Variants in PTPRB observed in about 807,000 individuals in gnomAD.
PTPRB encodes the protein receptor-type tyrosine-protein phosphatase beta.
In PTPRB, 97 loss-of-function variants were observed where a neutral mutation model predicts 238.1. The observed-to-expected ratio is 0.41, with a 90% CI of 0.35 to 0.48. PTPRB has a LOEUF of 0.48. Among genes scored for constraint, PTPRB ranks in the 20% least tolerant of loss-of-function variants. PTPRB has a pLI of 0.30. For missense variants in PTPRB, 2,292 were observed against 2,681.9 expected (o/e 0.85, Z 3.21); for synonymous variants, 970 against 995.4 (o/e 0.97, Z 0.48).
chr12:70,588,728 G>C (rs1488823094), intron 8 of PTPRB, among the ~76,000 whole-genome samples: 1 of 152,128 alleles, frequency 6.6e-6, no homozygotes, highest in Non-Finnish European at 1.5e-5. Flanking sequence ...CAAGGTAGGC[G>C]GACTGCTTGA....
chr12:70,598,788 G>T (rs911503181), intron 4 of PTPRB, among the ~76,000 whole-genome samples: 1 of 152,100 alleles, frequency 6.6e-6, no homozygotes, highest in African/African-American at 2.4e-5. Context: ...AAAAAATAAT[G>T]TCATGATCAG....
chr12:70,537,886 C>G (rs560101018), intron 28 of PTPRB: 21 of 306,602 alleles, frequency 6.8e-5, no homozygotes, highest in Non-Finnish European at 1.2e-4. Context: ...AGGAAGCTCT[C>G]ATCTTGGTTA....
At chr12:70,635,284 C>G (rs1885631391) in intron 2 of PTPRB, among the ~76,000 whole-genome samples, 2 of 152,104 alleles carry the variant, frequency 1.3e-5, no homozygotes, top group African/African-American at 4.8e-5. Flanking sequence ...TCAATAAAAT[C>G]TAATAATTTT....
chr12:70,578,987 G>A (rs1308113452), intron 10 of PTPRB, among the ~76,000 whole-genome samples: 1 of 152,176 alleles, frequency 6.6e-6, no homozygotes, highest in African/African-American at 2.4e-5. Flanking sequence ...AATGGGGAGA[G>A]CTCTGAGGAC....
chr12:70,618,551 G>A (rs1884779600), intron 3 of PTPRB, among the ~76,000 whole-genome samples: 1 of 152,166 alleles, frequency 6.6e-6, no homozygotes, highest in Non-Finnish European at 1.5e-5. Context: ...TGGGATTTAA[G>A]CCAGGTTTCT....
chr12:70,571,815 TC>T lies in PTPRB; in HGVS notation c.3106+8del, dbSNP rs752003242. 2 of 1,603,022 alleles carry T rather than the reference TC, an allele frequency of 1.2e-6. No individual in the cohort carries two copies. The highest frequency in any genetic ancestry group is 3.4e-5 in the Admixed American group (2 of 58,212). ...ACCAACTGTCAGATTTTGCAATCGT[TC>T]CACTTACTTGTTCTCCCATTCCCTT... On this transcript the variant is annotated splice_region_variant and intron_variant, in intron 12 of 33. Transcript: ENST00000334414.
At chr12:70,551,561 A>G (rs1445504877) in intron 21 of PTPRB, among the ~76,000 whole-genome samples, 1 of 151,792 alleles carries the variant, frequency 6.6e-6, no homozygotes, top group Non-Finnish European at 1.5e-5. Flanking sequence ...TTTTTTTTCT[A>G]CTGAGACCTA....
chr12:70,540,637 C>T, intron 23 of PTPRB: 2 of 503,144 alleles, frequency 4.0e-6, no homozygotes, highest in Non-Finnish European at 7.0e-6. Context: ...TAGATGGCCC[C>T]TCAGTCCTTT....
In PTPRB at chr12:70,559,572, C is replaced by T; in HGVS notation, c.4485G>A (p.Leu1495=). 1 of 1,613,186 alleles carries T rather than the reference C, an allele frequency of 6.2e-7. No homozygotes were observed. The highest frequency in any genetic ancestry group is 8.5e-7 in the Non-Finnish European group (1 of 1,179,224). The change falls in exon 18 of 34, where the codon TTG becomes TTA. Residue 1495 remains leucine (L), a synonymous_variant. Coordinates refer to ENST00000334414, the MANE Select transcript of PTPRB (RefSeq NM_001109754.4). The stretch of plus-strand genomic sequence containing the variant: ...CTGGGGGCCCTTTCCACGTGATGGC[C>T]AAGGATGTGTTTGCAATGTCAGCAA... ...MSFADIANTS[L]AITWKGPPDW...
chr12:70,624,495 A>C (rs1885087856), intron 2 of PTPRB, among the ~76,000 whole-genome samples: 1 of 152,142 alleles, frequency 6.6e-6, no homozygotes, highest in Non-Finnish European at 1.5e-5. Flanking sequence ...CTACATGACA[A>C]ACTCAATTAT....
chr12:70,568,035 TC>T (rs1361340646), intron 14 of PTPRB, among the ~76,000 whole-genome samples: 1 of 152,088 alleles, frequency 6.6e-6, no homozygotes, highest in African/African-American at 2.4e-5. Context: ...AAATGTGCCA[TC>T]CTTTCTCTCA....
chr12:70,576,979 G>A (rs553745575), intron 10 of PTPRB, among the ~76,000 whole-genome samples: 4 of 152,198 alleles, frequency 2.6e-5, no homozygotes, highest in East Asian at 3.9e-4. Flanking sequence ...TGTTTTAGAA[G>A]GTTCCCTGTA....
At chr12:70,603,170 A>C (rs929028014) in intron 4 of PTPRB, among the ~76,000 whole-genome samples, 1 of 152,180 alleles carries the variant, frequency 6.6e-6, no homozygotes, top group Non-Finnish European at 1.5e-5. Flanking sequence ...ACATAAAGGA[A>C]GACCAATTTC....
At chr12:70,581,776 C>A (rs1420226723) in intron 9 of PTPRB, among the ~76,000 whole-genome samples, 4 of 151,224 alleles carry the variant, frequency 2.6e-5, no homozygotes, top group Non-Finnish European at 5.9e-5. Flanking sequence ...CTTAAAGGGG[C>A]TGTTATTATA....
chr12:70,520,829 G>A lies in PTPRB; in HGVS notation c.*660C>T, dbSNP rs1019666332. 4.4e-4 allele frequency: 67 copies of A among 152,578 alleles called. No individual in the cohort carries two copies. The highest frequency in any genetic ancestry group is 1.5e-3 in the African/African-American group (63 of 41,578). The allele number at this position is 152,578 out of a possible 1,614,324, so 9.5% of individuals were successfully genotyped here. The stretch of plus-strand genomic sequence containing the variant: ...CTACCATCCTGGGCTTGCACTGCAA[G>A]TTACATGATCCCTGAGCTGACCACT... On this transcript the variant is annotated 3_prime_UTR_variant, in exon 34 of 34. Coordinates refer to ENST00000334414, the MANE Select transcript of PTPRB (RefSeq NM_001109754.4).
chr12:70,532,262 C>T, intron 31 of PTPRB, 92 bp from the exon 32 acceptor site: 1 of 1,418,192 alleles, frequency 7.1e-7, no homozygotes, highest in East Asian at 2.4e-5. Context: ...TTTTTTTTCC[C>T]TTCCCAGTTA....
chr12:70,579,695 C>CAAA (rs35887706), intron 10 of PTPRB, among the ~76,000 whole-genome samples: 35 of 90,974 alleles, frequency 3.8e-4, no homozygotes, highest in Non-Finnish European at 5.3e-4. Context: ...GACTCCATCT[C>CAAA]AAAAAAAAAA....
In PTPRB at chr12:70,612,667, TA is replaced by T. The variant is rs11448103; in HGVS notation, c.709-3329del. Among the ~76,000 whole-genome samples the T allele has an allele frequency of 2.5e-3, 361 of 146,440 alleles. 1 individual carries two copies. The highest frequency in any genetic ancestry group is 3.0e-3 in the Non-Finnish European group (197 of 65,914). On this transcript the variant is annotated intron_variant, in intron 3 of 33. Coordinates refer to ENST00000334414, the MANE Select transcript of PTPRB (RefSeq NM_001109754.4). ...AACATGAGTGAACAAGCAGCTGTCTTAAAAAAAAAAAGTCATAGCAATTTAA... is the reference window on the plus strand; with the variant it reads ...AACATGAGTGAACAAGCAGCTGTCTTAAAAAAAAAAGTCATAGCAATTTAA...
intron 2 of PTPRB, among the ~76,000 whole-genome samples, chr12:70,633,822 G>A (rs1885564336): frequency 6.6e-6 from 1 of 152,080 alleles, no homozygotes; most frequent in African/African-American, 2.4e-5. Context: ...ACTCACCACT[G>A]AGTCCATATC....
Sources: allele counts gnomAD v4.1 joint callset (sites outside exome capture counted in the v4.1 genomes callset), GRCh38; gene constraint gnomAD v4.1.1; transcripts MANE v1.5; gene names NCBI Gene and HGNC (gene_info 2026-07-23, HGNC 2026-07-21).